EML1: variants seen among roughly 807,000 people sequenced by gnomAD.
The protein encoded by EML1 is EMAP like 1.
A neutral mutation model predicts 110.4 loss-of-function variants in EML1; 27 were observed. That is an observed-to-expected ratio of 0.24 (90% CI 0.18 to 0.34). The LOEUF (loss-of-function observed/expected upper bound fraction) is 0.34. Ranked by LOEUF, EML1 falls within the 10% of genes least tolerant of loss-of-function variation. EML1 has a pLI of 1.00. For synonymous variants in EML1, 344 were observed against 385.8 expected (o/e 0.89, Z 1.27); for missense variants, 741 against 1,030.9 (o/e 0.72, Z 3.85).
Position 99,875,084 on chromosome 14 carries a change from C to T in EML1, c.384-3401C>T, listed in dbSNP as rs79232945. 935 of 1,150,864 alleles carry T rather than the reference C, an allele frequency of 8.1e-4. 11 individuals carry two copies. In the African/African-American group the frequency reaches 0.013, roughly 17 times the overall value. 71.3% of individuals were successfully genotyped at this position (1,150,864 alleles called of 1,614,324 possible). ...GTAGCTTCAAGGTCTTGTCCAGTGC[C>T]TACCATTCATCAAGTCATCAATCAT... On this transcript the variant is annotated intron_variant, in intron 3 of 21. Coordinates refer to ENST00000262233, the MANE Select transcript of EML1 (RefSeq NM_004434.3).
intron 1 of EML1, among the ~76,000 whole-genome samples, chr14:99,824,778 C>T (rs759553345): frequency 6.6e-6 from 1 of 152,084 alleles, no homozygotes; most frequent in Non-Finnish European, 1.5e-5. Context: ...CCCCTCCTAC[C>T]CTCCACCCTT....
intron 1 of EML1, among the ~76,000 whole-genome samples, chr14:99,804,850 C>T (rs543497990): frequency 2.6e-5 from 4 of 152,320 alleles, no homozygotes; most frequent in Admixed American, 2.0e-4. Context: ...CAGCATCCCC[C>T]GGAAGTTCCC....
chr14:99,756,356 C>T (rs910095189), intron 1 of EML1, among the ~76,000 whole-genome samples: 26 of 152,296 alleles, frequency 1.7e-4, no homozygotes, highest in African/African-American at 3.8e-4. Context: ...TGTAGCAAGG[C>T]GGGAGGCAGA....
rs1285075664 is a variant in EML1, at chr14:99,894,664, C to G, written c.583C>G (p.Pro195Ala). The change falls in exon 6 of 22, where the codon CCT becomes GCT. Residue 195 changes from proline to alanine, a missense_variant. By Grantham distance (27) the Pro-to-Ala change is conservative. Coordinates refer to ENST00000262233, the MANE Select transcript of EML1 (RefSeq NM_004434.3). ...TGTAAAAATGTTTCTTCGTGGACGC[C>G]CTGTTACCATGTACATGCCCAAAGA... Reference protein sequence around the residue: ...GYVKMFLRGRPVTMYMPKDQV... With the variant: ...GYVKMFLRGRAVTMYMPKDQV... 3 of 1,612,990 alleles carry G rather than the reference C, an allele frequency of 1.9e-6. No individual in the cohort carries two copies. The South Asian group carries it at 3.3e-5, about 18-fold the overall frequency.
intron 1 of EML1, among the ~76,000 whole-genome samples, chr14:99,754,056 A>T (rs2057214689): frequency 6.6e-6 from 1 of 152,176 alleles, no homozygotes. Flanking sequence ...CAGCTCCTGG[A>T]TAAATCCTTC....
intron 1 of EML1, among the ~76,000 whole-genome samples, chr14:99,834,816 G>A (rs1374786190): frequency 6.6e-6 from 1 of 152,016 alleles, no homozygotes; most frequent in Non-Finnish European, 1.5e-5. Context: ...GAAAGATTTT[G>A]TTTTTGTTTT....
At chr14:99,834,616 G>A (rs1395872668) in intron 1 of EML1, among the ~76,000 whole-genome samples, 3 of 151,874 alleles carry the variant, frequency 2.0e-5, no homozygotes, top group Non-Finnish European at 2.9e-5. Context: ...ATTTTCATGA[G>A]GGATATTGGT....
At chr14:99,932,883 C>G (rs2060397986) in intron 17 of EML1, among the ~76,000 whole-genome samples, 1 of 151,956 alleles carries the variant, frequency 6.6e-6, no homozygotes, top group Admixed American at 6.6e-5. Context: ...CTTTGGGAGG[C>G]CAAGGATGTT....
At chr14:99,922,993 G>A (rs1397880746) in intron 17 of EML1, among the ~76,000 whole-genome samples, 1 of 152,112 alleles carries the variant, frequency 6.6e-6, no homozygotes, top group East Asian at 1.9e-4. Context: ...ACCCAGGCTG[G>A]AGTGCACTGG....
chr14:99,904,051 G>A (rs915104024), intron 9 of EML1, among the ~76,000 whole-genome samples: 1 of 152,138 alleles, frequency 6.6e-6, no homozygotes, highest in Non-Finnish European at 1.5e-5. Flanking sequence ...CCAAAGTGCT[G>A]GGGTTACAGG....
intron 1 of EML1, among the ~76,000 whole-genome samples, chr14:99,765,834 G>C (rs1250200367): frequency 6.6e-6 from 1 of 151,934 alleles, no homozygotes; most frequent in East Asian, 1.9e-4. Flanking sequence ...TGAACCCCCT[G>C]CCTCAAGTAT....
intron 5 of EML1, among the ~76,000 whole-genome samples, chr14:99,893,192 G>C (rs1331772963): frequency 6.6e-6 from 1 of 152,156 alleles, no homozygotes; most frequent in African/African-American, 2.4e-5. Context: ...GCCTGGCAGG[G>C]CATTTAGACC....
chr14:99,916,350 A>G (rs2060033962), intron 15 of EML1, among the ~76,000 whole-genome samples: 1 of 152,250 alleles, frequency 6.6e-6, no homozygotes. Flanking sequence ...GGCAGCTCTG[A>G]GCTTAATTAC....
intron 1 of EML1, among the ~76,000 whole-genome samples, chr14:99,834,309 C>CT (rs71113226): frequency 0.62 from 92,560 of 148,440 alleles, 28,706 homozygotes; most frequent in African/African-American, 0.67. Flanking sequence ...AGAATGTTTC[C>CT]TTTTTTTTTT....
chr14:99,916,773 A>G (rs1430758301), intron 15 of EML1, among the ~76,000 whole-genome samples: 1 of 152,168 alleles, frequency 6.6e-6, no homozygotes, highest in African/African-American at 2.4e-5. Flanking sequence ...CATGGTCCAA[A>G]AAACGACTGG....
intron 11 of EML1, 97 bp downstream of exon 11, chr14:99,909,576 T>G (rs1435180184): frequency 9.3e-6 from 14 of 1,500,832 alleles, no homozygotes; most frequent in Non-Finnish European, 1.2e-5. Flanking sequence ...CACAATCCCT[T>G]GGGATCCCTC....
rs935030558 is a variant in EML1 at position 99,905,957 on chromosome 14, G to A, written c.1009-1681G>A. Reference sequence around the variant, plus strand: ...CCCCCTTACCCAAAATCAGCCATTCGGTGTGTACAGATGATTTTTCTTTGC... The same window carrying A: ...CCCCCTTACCCAAAATCAGCCATTCAGTGTGTACAGATGATTTTTCTTTGC... On this transcript the variant is annotated intron_variant, in intron 9 of 21. Coordinates refer to ENST00000262233, the MANE Select transcript of EML1 (RefSeq NM_004434.3). This position sits in a 1 kb window ranked among gnomAD's most constrained non-coding sequence, Gnocchi z 4.1. Among the ~76,000 whole-genome samples, 4 of 152,076 alleles carry A rather than the reference G, an allele frequency of 2.6e-5. No homozygotes were observed. The highest frequency in any genetic ancestry group is 5.9e-5 in the Non-Finnish European group (4 of 68,026).
chr14:99,836,179 C>T (rs913930231), intron 1 of EML1, among the ~76,000 whole-genome samples: 8 of 150,222 alleles, frequency 5.3e-5, no homozygotes, highest in South Asian at 2.1e-4. Context: ...AATATATCTC[C>T]GTTTCTTTAG....
At chr14:99,753,261 C>T (rs936687538) in intron 1 of EML1, among the ~76,000 whole-genome samples, 2 of 144,340 alleles carry the variant, frequency 1.4e-5, no homozygotes, top group Non-Finnish European at 3.0e-5. Flanking sequence ...ATTTCATCTC[C>T]ACCCAGTGGC....
Sources: gnomAD v4.1 joint callset for allele counts (sites outside exome capture counted in the v4.1 genomes callset) on GRCh38, gnomAD v4.1.1 for gene constraint, Gnocchi (gnomAD v3.1) non-coding constraint, MANE v1.5 for transcripts, NCBI Gene and HGNC (gene_info 2026-07-23, HGNC 2026-07-21) for gene names.